Variants in DHX8 observed in about 807,000 individuals in gnomAD.
The protein encoded by DHX8 is DEAH-box helicase 8, also known as ATP-dependent RNA helicase DHX8.
In DHX8, 67 loss-of-function variants were observed where a neutral mutation model predicts 140.7. The observed-to-expected ratio is 0.48, with a 90% CI of 0.39 to 0.58. The LOEUF is 0.58. DHX8 is among the 20% of genes least tolerant of loss of function. DHX8 has a pLI of 0.00. For synonymous variants in DHX8, 533 were observed against 553.2 expected, an observed-to-expected ratio of 0.96 and a Z score of 0.51; for missense variants, 887 against 1,550.7, an observed-to-expected ratio of 0.57 and a Z score of 7.19.
At chr17:43,500,561 C>A (rs572684499) in intron 11 of DHX8, among the ~76,000 whole-genome samples, 43 of 152,068 alleles carry the variant, frequency 2.8e-4, no homozygotes, top group Non-Finnish European at 5.3e-4. Flanking sequence ...ATGTTTAAAA[C>A]CAAAAATGTT....
At chr17:43,526,252 A>G (rs1248933204), downstream of DHX8, 34 of 1,290,630 alleles carry the variant, frequency 2.6e-5, no homozygotes, top group Non-Finnish European at 3.3e-5. Flanking sequence ...CCAGGAGAGG[A>G]TGTGGGTCTC....
chr17:43,505,962 C>G (rs1446972563), intron 12 of DHX8, among the ~76,000 whole-genome samples: 4 of 152,060 alleles, frequency 2.6e-5, no homozygotes, highest in Middle Eastern at 3.4e-3. Flanking sequence ...ATACACTGTT[C>G]TACATCTTTT....
chr17:43,536,917 TTTC>T (rs1567712596), intron 3 of DHX8, among the ~76,000 whole-genome samples: 2 of 152,252 alleles, frequency 1.3e-5, no homozygotes, highest in African/African-American at 4.8e-5. Context: ...GATTCCAGTC[TTTC>T]TTCTTCTAGA....
chr17:43,488,528 G>A (rs1028989777), intron 1 of DHX8, among the ~76,000 whole-genome samples: 4 of 150,562 alleles, frequency 2.7e-5, no homozygotes, highest in Admixed American at 2.0e-4. Context: ...GGAGAATGGC[G>A]TGAACCCGGG....
downstream of DHX8, among the ~76,000 whole-genome samples, chr17:43,527,512 T>C (rs1178270808): frequency 1.3e-5 from 2 of 152,102 alleles, no homozygotes; most frequent in African/African-American, 4.8e-5. Flanking sequence ...CCCTTGCCAC[T>C]CAGTAGCCCA....
chr17:43,495,032 T>C (rs1459493660), intron 8 of DHX8, among the ~76,000 whole-genome samples: 1 of 151,984 alleles, frequency 6.6e-6, no homozygotes, highest in African/African-American at 2.4e-5. Flanking sequence ...CAGGCTAGTC[T>C]TGAACTCCTG....
chr17:43,492,609 C>A, intron 5 of DHX8, 72 bp from the exon 6 acceptor site: 1 of 891,510 alleles, frequency 1.1e-6, no homozygotes, highest in Non-Finnish European at 1.8e-6. Flanking sequence ...TGGCACTGTA[C>A]TGGGTGCTTG....
In DHX8 at chr17:43,504,723, C is replaced by T. The variant is rs1969392482; in HGVS notation, c.1626C>T (p.Ala542=). The T allele has an allele frequency of 1.2e-6, 2 of 1,613,984 alleles. No homozygotes were observed. Among genetic ancestry groups the T allele is most frequent in the South Asian group, 2.2e-5 (2 of 91,078 alleles). Residue 542 remains alanine (A), a synonymous_variant, in exon 12 of 23, where the codon GCC becomes GCT. Coordinates refer to ENST00000262415, the MANE Select transcript of DHX8 (RefSeq NM_004941.3). ...PNDIPEWKKH[A]FGGNKASYGK... is the part of the protein sequence containing the mutation. ...ATATTCCTGAGTGGAAGAAGCATGC[C>T]TTTGGGGGCAACAAAGCCTCTTACG...
intron 16 of DHX8, among the ~76,000 whole-genome samples, chr17:43,510,366 G>C (rs1435664497): frequency 2.0e-5 from 3 of 152,080 alleles, no homozygotes; most frequent in African/African-American, 7.2e-5. Context: ...CCCTTTTAAA[G>C]TGTACAGTTC....
At chr17:43,520,366 A>T in intron 19 of DHX8, 99 bp downstream of exon 19, 2 of 1,410,710 alleles carry the variant, frequency 1.4e-6, no homozygotes, top group South Asian at 2.7e-5. Flanking sequence ...GCCGTGGATA[A>T]GCTTTGAGTA....
Position 43,508,210 on chromosome 17 carries a change from GT to G in DHX8, c.2321-126del, listed in dbSNP as rs1267510766. 3.8e-6 allele frequency: 5 copies of G among 1,315,998 alleles called. No homozygotes were observed. The African/African-American group carries it at 7.5e-5, about 20-fold the overall frequency. The allele number at this position is 1,315,998 out of a possible 1,614,324, so 81.5% of individuals were successfully genotyped here. A position where few individuals can be genotyped will look rare whatever the true frequency, so the allele number is the denominator to read the frequency against. On this transcript the variant is annotated intron_variant, in intron 15 of 22. Coordinates refer to ENST00000262415, the MANE Select transcript of DHX8 (RefSeq NM_004941.3). ...TGTCATATATAAACAAACTTGTATT[GT>G]TTACTTACTGGTCAGAATATGAATG...
rs1338770344 is a variant in DHX8, at chr17:43,522,142, C to T, written c.3359C>T (p.Pro1120Leu). 3 of 1,614,064 alleles carry T rather than the reference C, an allele frequency of 1.9e-6. No homozygotes were observed. The highest frequency in any genetic ancestry group is 1.1e-5 in the South Asian group (1 of 91,072). Residue 1120 changes from proline (P) to leucine (L), a missense_variant, in exon 22 of 23, where the codon CCG (proline) becomes CTG (leucine). Around this residue, in one of 9 missense-constraint regions of DHX8, gnomAD observed 101 missense variants for 168.2 expected, o/e 0.60. Coordinates refer to ENST00000262415, the MANE Select transcript of DHX8 (RefSeq NM_004941.3). ...TTCCGTAATGCTGCCAAGAAAGACC[C>T]GCAGGAGGGTTACCGGACACTGATC... Reference protein sequence around the residue: ...GFFRNAAKKDPQEGYRTLIDQ... With the variant: ...GFFRNAAKKDLQEGYRTLIDQ...
At chr17:43,532,633 C>A in intron 2 of DHX8, 2 of 1,566,658 alleles carry the variant, frequency 1.3e-6, no homozygotes, top group Non-Finnish European at 1.7e-6. Context: ...CTTAACTGAA[C>A]ACTTGATCAC....
chr17:43,508,938 T>C (rs1298645786), intron 16 of DHX8, among the ~76,000 whole-genome samples: 3 of 152,138 alleles, frequency 2.0e-5, no homozygotes, highest in Non-Finnish European at 4.4e-5. Flanking sequence ...CAAGTCTTGT[T>C]TGTTAGGTTT....
At chr17:43,521,817 C>G (rs1453129335) in intron 21 of DHX8, among the ~76,000 whole-genome samples, 2 of 152,118 alleles carry the variant, frequency 1.3e-5, no homozygotes, top group Admixed American at 6.6e-5. Context: ...GTTTGCAACC[C>G]TCTGGAACAT....
At chr17:43,534,852 A>G (rs1203354992) in intron 2 of DHX8, among the ~76,000 whole-genome samples, 1 of 152,022 alleles carries the variant, frequency 6.6e-6, no homozygotes, top group Admixed American at 6.5e-5. Context: ...GAGGCAGGAG[A>G]ATTGCTTGAA....
At chr17:43,517,604 A>G (rs1970175382) in intron 18 of DHX8, 2 of 360,832 alleles carry the variant, frequency 5.5e-6, no homozygotes, top group Non-Finnish European at 1.0e-5. Context: ...AGGAAATTAG[A>G]AAAATATAAT....
chr17:43,501,891 G>T (rs1969219439), intron 11 of DHX8, among the ~76,000 whole-genome samples: 1 of 152,194 alleles, frequency 6.6e-6, no homozygotes, highest in African/African-American at 2.4e-5. Context: ...CACATGTGAT[G>T]ATTTAGAAAG....
chr17:43,543,504 A>T (rs758361928), intron 3 of DHX8, among the ~76,000 whole-genome samples: 1 of 152,042 alleles, frequency 6.6e-6, no homozygotes. Flanking sequence ...GGAGCTGCCC[A>T]CTGTGGGGAC....
Sources: gnomAD v4.1 joint callset for allele counts (sites outside exome capture counted in the v4.1 genomes callset) on GRCh38, gnomAD v4.1.1 for gene constraint, gnomAD v4.1.1 regional missense constraint, MANE v1.5 for transcripts, NCBI Gene and HGNC (gene_info 2026-07-23, HGNC 2026-07-21) for gene names.